Variants in ZNF257 observed in about 807,000 individuals in gnomAD.
ZNF257 encodes the protein zinc finger protein 257.
Under a neutral mutation model 11.9 loss-of-function variants are expected in ZNF257, and 12 were observed. That is an observed-to-expected ratio of 1.01 (90% CI 0.65 to 1.63). The LOEUF (loss-of-function observed/expected upper bound fraction) is 1.63, where lower values mean the gene tolerates loss of function less well. Among genes scored for constraint, ZNF257 ranks in the 40% most tolerant of loss-of-function variants. The pLI is 0.00. For missense variants in ZNF257, 580 were observed against 665.5 expected (o/e 0.87, Z 1.41); for synonymous variants, 183 against 222.7 (o/e 0.82, Z 1.59).
At chr19:22,087,493 C>G in intron 3 of ZNF257, 2 of 1,102,308 alleles carry the variant, frequency 1.8e-6, no homozygotes, top group Non-Finnish European at 2.3e-6. Context: ...TCTCAGCAGT[C>G]TCAAATTGTC....
intron 3 of ZNF257, among the ~76,000 whole-genome samples, chr19:22,084,525 C>A (rs1279953153): frequency 6.6e-6 from 1 of 151,432 alleles, no homozygotes; most frequent in African/African-American, 2.4e-5. Flanking sequence ...TTCAAAAGTG[C>A]AATGAGAAAT....
intron 1 of ZNF257, among the ~76,000 whole-genome samples, chr19:22,058,585 T>C (rs1274802430): frequency 6.6e-6 from 1 of 152,172 alleles, no homozygotes; most frequent in Non-Finnish European, 1.5e-5. Flanking sequence ...AATCTTGGTA[T>C]TCAGCAAACT....
intron 1 of ZNF257, among the ~76,000 whole-genome samples, chr19:22,053,574 G>A (rs1371083696): frequency 4.6e-5 from 7 of 152,120 alleles, no homozygotes; most frequent in Non-Finnish European, 1.0e-4. Flanking sequence ...GAGGTTAAAT[G>A]GTAGTGTATA....
At position 22,067,403 on chromosome 19, in the gene ZNF257, C is replaced by T. The variant is rs114382281; in HGVS notation, c.4-5406C>T. 1.6e-3 allele frequency among the ~76,000 whole-genome samples: 247 copies of T among 152,234 alleles called. 1 individual carries two copies. The highest frequency in any genetic ancestry group is 5.6e-3 in the African/African-American group (231 of 41,508). On this transcript the variant is annotated intron_variant, in intron 1 of 3. Transcript: ENST00000594947. ...AATGTCCACAAATATGCAGGTAACA[C>T]CTGCTGCTACTCCACCCATCCAGAG...
At position 22,089,729 on chromosome 19, in the gene ZNF257, C is replaced by A; in HGVS notation, c.*287C>A. The A allele has an allele frequency of 1.7e-6, 1 of 579,024 alleles. No individual in the cohort carries two copies. The highest frequency in any genetic ancestry group is 4.9e-5 in the East Asian group (1 of 20,574). 35.9% of individuals were successfully genotyped at this position (579,024 alleles called of 1,614,324 possible). A position where few individuals can be genotyped will look rare whatever the true frequency, so the allele number is the denominator to read the frequency against. Reference sequence around the variant, plus strand: ...TACAAATATGAAGAATGTGACAAGGCCTTTAAAAGTTCTCAACCCTTATTA... The same window carrying A: ...TACAAATATGAAGAATGTGACAAGGACTTTAAAAGTTCTCAACCCTTATTA... On this transcript the variant is annotated 3_prime_UTR_variant, in exon 4 of 4. Transcript: ENST00000594947.
At chr19:22,077,603 G>A (rs570632137) in intron 3 of ZNF257, among the ~76,000 whole-genome samples, 63 of 152,010 alleles carry the variant, frequency 4.1e-4, no homozygotes, top group Non-Finnish European at 1.2e-4. Flanking sequence ...AATGTGACAA[G>A]ATTTTATGAG....
chr19:22,088,269 C>G lies in ZNF257; in HGVS notation c.519C>G (p.Cys173Trp), dbSNP rs1349702605. 1.2e-6 allele frequency: 2 copies of G among 1,613,200 alleles called. No homozygotes were observed. Among genetic ancestry groups the G allele is most frequent in the East Asian group, 2.2e-5 (1 of 44,874 alleles). Residue 173 changes from cysteine to tryptophan, a missense_variant, in exon 4 of 4, where the codon TGC (cysteine) becomes TGG (tryptophan). By Grantham distance (215) the Cys-to-Trp change is radical (BLOSUM62 -2). Coordinates refer to ENST00000594947, the MANE Select transcript of ZNF257 (RefSeq NM_033468.4). ...TAAGACATACTGAAAAGAAAACTTG[C>G]AAATGTAAAGAATGTGGCAAATCAT... ...HKIRHTEKKT[C>W]KCKECGKSFC...
At chr19:22,087,673 C>T (rs1243091201) in intron 3 of ZNF257, 2 of 823,618 alleles carry the variant, frequency 2.4e-6, no homozygotes, top group Admixed American at 4.1e-5. Context: ...CTATGTTATA[C>T]TGAGGAGAAG....
At chr19:22,052,676 G>A (rs3752168) in intron 1 of ZNF257, 41 bp downstream of exon 1, 6 of 1,603,520 alleles carry the variant, frequency 3.7e-6, no homozygotes, top group Non-Finnish European at 1.7e-6. Flanking sequence ...AGGGGAAGGG[G>A]GTGGTTGGAA....
Position 22,089,678 on chromosome 19 carries a change from T to C in ZNF257, c.*236T>C. The C allele has an allele frequency of 9.9e-7, 1 of 1,008,670 alleles. No individual in the cohort carries two copies. The highest frequency in any genetic ancestry group is 1.4e-6 in the Non-Finnish European group (1 of 735,360). The allele number at this position is 1,008,670 out of a possible 1,614,324, so 62.5% of individuals were successfully genotyped here. ...CCCAGTTCTCAACTCTTACTAAACA[T>C]GAGAACACATGTGGAAGATAAAGCC... On this transcript the variant is annotated 3_prime_UTR_variant, in exon 4 of 4. Transcript: ENST00000594947.
chr19:22,087,245 G>C (rs982851117), intron 3 of ZNF257, among the ~76,000 whole-genome samples: 2 of 151,562 alleles, frequency 1.3e-5, no homozygotes, highest in Non-Finnish European at 2.9e-5. Flanking sequence ...AAAAAAAAAG[G>C]CTACCTGTCA....
intron 1 of ZNF257, among the ~76,000 whole-genome samples, chr19:22,065,030 G>C (rs577550942): frequency 3.2e-4 from 48 of 149,924 alleles, no homozygotes; most frequent in Non-Finnish European, 6.8e-4. Flanking sequence ...CTCCAGCCTG[G>C]GCGAAAGAAC....
At chr19:22,069,764 T>G (rs1333878153) in intron 1 of ZNF257, among the ~76,000 whole-genome samples, 1 of 152,100 alleles carries the variant, frequency 6.6e-6, no homozygotes, top group Non-Finnish European at 1.5e-5. Context: ...ATTCTAGATA[T>G]CCTTAAGATA....
chr19:22,053,694 G>C (rs1030523898), intron 1 of ZNF257, among the ~76,000 whole-genome samples: 1 of 152,182 alleles, frequency 6.6e-6, no homozygotes, highest in Non-Finnish European at 1.5e-5. Context: ...GGGAGGCCCA[G>C]GCGGGCGGAT....
At chr19:22,053,337 C>A (rs971714042) in intron 1 of ZNF257, among the ~76,000 whole-genome samples, 1 of 122,144 alleles carries the variant, frequency 8.2e-6, no homozygotes, top group Non-Finnish European at 1.6e-5. Context: ...CACTGCACTC[C>A]AGCCTGAAGA....
chr19:22,074,415 A>C (rs2022178750), intron 3 of ZNF257: 1 of 152,036 alleles, frequency 6.6e-6, no homozygotes, highest in Non-Finnish European at 1.5e-5. Context: ...GCAATGGTGC[A>C]GTCTCAGCTC....
intron 1 of ZNF257, 104 bp downstream of exon 1, chr19:22,052,739 C>A: frequency 7.2e-7 from 1 of 1,386,500 alleles, no homozygotes; most frequent in Non-Finnish European, 1.0e-6. Flanking sequence ...TCAGCCCTAC[C>A]ATCTGCGCCC....
intron 3 of ZNF257, among the ~76,000 whole-genome samples, chr19:22,080,007 T>C (rs2022323613): frequency 6.6e-6 from 1 of 152,114 alleles, no homozygotes; most frequent in Non-Finnish European, 1.5e-5. Context: ...TTAGACAGGA[T>C]CTTACTCTGT....
intron 1 of ZNF257, among the ~76,000 whole-genome samples, chr19:22,057,376 C>G (rs1318867016): frequency 2.0e-5 from 3 of 152,038 alleles, no homozygotes; most frequent in Non-Finnish European, 4.4e-5. Flanking sequence ...TATTAAAGGC[C>G]CAGCTAATTC....
Sources: gnomAD v4.1 joint callset for allele counts (sites outside exome capture counted in the v4.1 genomes callset) on GRCh38, gnomAD v4.1.1 for gene constraint, MANE v1.5 for transcripts, NCBI Gene and HGNC (gene_info 2026-07-23, HGNC 2026-07-21) for gene names.